The following RASGRP1 variants were observed in gnomAD, a reference collection of about 807,000 sequenced individuals.
RASGRP1 encodes RAS guanyl releasing protein 1.
A neutral mutation model predicts 95.1 loss-of-function variants in RASGRP1; 37 were observed. That is an observed-to-expected ratio of 0.39 (90% CI 0.30 to 0.51). RASGRP1 has a LOEUF of 0.51. Ranked by LOEUF, RASGRP1 falls within the 20% of genes least tolerant of loss-of-function variation. The probability of loss-of-function intolerance (pLI) is 0.80; values close to 1 mark genes in which losing one functional copy is unlikely to be tolerated. For missense variants in RASGRP1, 711 were observed against 965.4 expected (o/e 0.74, Z 3.49); for synonymous variants, 325 against 353.4 (o/e 0.92, Z 0.90).
At chr15:38,504,592 C>T (rs1472857345) in intron 10 of RASGRP1, 1 of 152,110 alleles carries the variant, frequency 6.6e-6, no homozygotes, top group Non-Finnish European at 1.5e-5. Flanking sequence ...GGAGCTGTCA[C>T]CTTCTGGAGG....
intron 2 of RASGRP1, among the ~76,000 whole-genome samples, 165 bp downstream of exon 2, chr15:38,559,656 T>C (rs1303621422): frequency 6.6e-6 from 1 of 152,224 alleles, no homozygotes; most frequent in Non-Finnish European, 1.5e-5. Context: ...TACACCCACA[T>C]AGTCATGTGC....
chr15:38,547,866 C>CGT (rs1004470838), intron 2 of RASGRP1, among the ~76,000 whole-genome samples: 22 of 150,570 alleles, frequency 1.5e-4, no homozygotes, highest in South Asian at 6.3e-4. Flanking sequence ...TGCGCGCGCG[C>CGT]GTGTGTGTGT....
intron 2 of RASGRP1, among the ~76,000 whole-genome samples, chr15:38,539,104 G>A (rs947877585): frequency 5.3e-5 from 8 of 152,126 alleles, no homozygotes; most frequent in African/African-American, 1.9e-4. Flanking sequence ...CTTGCCTAAA[G>A]TCACCCATCT....
intron 6 of RASGRP1, among the ~76,000 whole-genome samples, chr15:38,515,643 C>T (rs1040768808): frequency 6.6e-6 from 1 of 151,982 alleles, no homozygotes; most frequent in African/African-American, 2.4e-5. Flanking sequence ...ACTTCTGGGC[C>T]AGGACCACTT....
chr15:38,536,135 A>G (rs1464045351), intron 2 of RASGRP1, among the ~76,000 whole-genome samples: 2 of 152,232 alleles, frequency 1.3e-5, no homozygotes, highest in Non-Finnish European at 2.9e-5. Context: ...CTCTCTAGGA[A>G]CAATTGAATT....
intron 15 of RASGRP1, among the ~76,000 whole-genome samples, chr15:38,497,064 C>G (rs1890820472): frequency 6.6e-6 from 1 of 152,118 alleles, no homozygotes; most frequent in South Asian, 2.1e-4. Flanking sequence ...TCTTATTTCC[C>G]TTTTTGGTTC....
chr15:38,501,739 G>A (rs1484099022), intron 12 of RASGRP1, among the ~76,000 whole-genome samples: 3 of 152,136 alleles, frequency 2.0e-5, no homozygotes, highest in South Asian at 2.1e-4. Flanking sequence ...GTATGAATAA[G>A]TATTAGTTGT....
At chr15:38,516,470 T>C in intron 5 of RASGRP1, 120 bp from the exon 6 acceptor site, 2 of 1,262,090 alleles carry the variant, frequency 1.6e-6, no homozygotes, top group Non-Finnish European at 1.1e-6. Context: ...ACTTTCCTTG[T>C]GAATGCCAAA....
chr15:38,493,366 C>T (rs529127680), intron 16 of RASGRP1, among the ~76,000 whole-genome samples: 11 of 151,300 alleles, frequency 7.3e-5, no homozygotes, highest in Admixed American at 4.0e-4. Context: ...TTAGTAGAGA[C>T]GGGGTTTCAC....
chr15:38,522,838 T>C (rs771855920), intron 3 of RASGRP1, among the ~76,000 whole-genome samples: 3 of 151,494 alleles, frequency 2.0e-5, no homozygotes, highest in Non-Finnish European at 4.4e-5. Context: ...AGCTAAGGAG[T>C]TGACATTAAC....
At chr15:38,544,752 G>T (rs1893043743) in intron 2 of RASGRP1, among the ~76,000 whole-genome samples, 1 of 152,220 alleles carries the variant, frequency 6.6e-6, no homozygotes, top group Non-Finnish European at 1.5e-5. Flanking sequence ...ACTCCGCAAG[G>T]CAAGATGCTG....
chr15:38,536,514 A>T (rs1304720184), intron 2 of RASGRP1, among the ~76,000 whole-genome samples: 1 of 152,244 alleles, frequency 6.6e-6, no homozygotes, highest in Non-Finnish European at 1.5e-5. Context: ...CGAAGAAGCA[A>T]CTTGGAGAAC....
chr15:38,510,791 T>C (rs1156711950), intron 8 of RASGRP1, among the ~76,000 whole-genome samples: 1 of 152,136 alleles, frequency 6.6e-6, no homozygotes, highest in South Asian at 2.1e-4. Flanking sequence ...GAGACCCTTA[T>C]CTCTACAAAA....
chr15:38,559,086 T>A (rs886895826), intron 2 of RASGRP1, among the ~76,000 whole-genome samples: 2 of 152,226 alleles, frequency 1.3e-5, no homozygotes, highest in African/African-American at 4.8e-5. Context: ...CCATCAATTT[T>A]AATCATTTTT....
chr15:38,545,542 T>C (rs1416563104), intron 2 of RASGRP1, among the ~76,000 whole-genome samples: 1 of 152,140 alleles, frequency 6.6e-6, no homozygotes, highest in African/African-American at 2.4e-5. Flanking sequence ...TGACAGTTTT[T>C]TTTTTTTCAC....
At chr15:38,499,594 G>A (rs1890931769) in intron 14 of RASGRP1, among the ~76,000 whole-genome samples, 1 of 152,194 alleles carries the variant, frequency 6.6e-6, no homozygotes, top group African/African-American at 2.4e-5. Context: ...GGTGTCCGAG[G>A]GAAACCACTT....
chr15:38,526,812 C>A (rs1008720542), intron 2 of RASGRP1, among the ~76,000 whole-genome samples: 4 of 152,122 alleles, frequency 2.6e-5, no homozygotes, highest in African/African-American at 9.7e-5. Context: ...GTTAAAATAT[C>A]TTACCTTTAC....
intron 6 of RASGRP1, among the ~76,000 whole-genome samples, chr15:38,513,877 G>T (rs1891648538): frequency 6.6e-6 from 1 of 152,168 alleles, no homozygotes; most frequent in African/African-American, 2.4e-5. Context: ...ACATGGTTCA[G>T]CCAGCAGAAT....
At position 38,492,824 on chromosome 15, in the gene RASGRP1, G is replaced by T. The variant is rs568022845; in HGVS notation, c.2259+1558C>A. 2.0e-5 allele frequency among the ~76,000 whole-genome samples: 3 copies of T among 151,774 alleles called. No individual in the cohort carries two copies. In the South Asian group the frequency reaches 6.3e-4, roughly 32 times the overall value. On this transcript the variant is annotated intron_variant, in intron 16 of 16. Coordinates refer to ENST00000310803, the MANE Select transcript of RASGRP1 (RefSeq NM_005739.4). ...TTGAACCTTCAGAATTGAGTATCTT[G>T]ACAGTTGGCTGTTGGCTCTTTTTCC... is the stretch of plus-strand genomic sequence containing the variant.
Sources: gnomAD v4.1 joint callset for allele counts (sites outside exome capture counted in the v4.1 genomes callset) on GRCh38, gnomAD v4.1.1 for gene constraint, MANE v1.5 for transcripts, NCBI Gene and HGNC (gene_info 2026-07-23, HGNC 2026-07-21) for gene names.